The following SEMA5A variants were observed in gnomAD, a reference collection of about 807,000 sequenced individuals.
SEMA5A encodes the protein semaphorin 5A.
Under a neutral mutation model 135.5 loss-of-function variants are expected in SEMA5A, and 55 were observed. That is an observed-to-expected ratio of 0.41 (90% CI 0.33 to 0.51). The LOEUF (loss-of-function observed/expected upper bound fraction) is 0.51, where lower values mean the gene tolerates loss of function less well. SEMA5A is among the 20% of genes least tolerant of loss of function. The pLI, the probability that SEMA5A is intolerant of heterozygous loss-of-function variation, is 0.37. For synonymous variants in SEMA5A, 580 were observed against 546.5 expected (o/e 1.06, Z -0.85); for missense variants, 1,290 against 1,419.9 (o/e 0.91, Z 1.47).
intron 3 of SEMA5A, among the ~76,000 whole-genome samples, chr5:9,356,377 G>A (rs1185920884): frequency 1.3e-5 from 2 of 152,104 alleles, no homozygotes; most frequent in Non-Finnish European, 2.9e-5. Context: ...GTGCCTCAGG[G>A]AATGGAATGT....
chr5:9,220,654 G>A (rs983462475), intron 8 of SEMA5A, among the ~76,000 whole-genome samples: 4 of 152,208 alleles, frequency 2.6e-5, no homozygotes, highest in Non-Finnish European at 5.9e-5. Context: ...CCAGGGATAA[G>A]CAAAGCTTAA....
intron 5 of SEMA5A, among the ~76,000 whole-genome samples, chr5:9,303,029 A>G (rs2150617445): frequency 6.6e-6 from 1 of 152,234 alleles, no homozygotes; most frequent in Non-Finnish European, 1.5e-5. Flanking sequence ...CACCACATGG[A>G]AACAACCACT....
At chr5:9,311,103 C>T (rs1366459152) in intron 5 of SEMA5A, among the ~76,000 whole-genome samples, 1 of 151,496 alleles carries the variant, frequency 6.6e-6, no homozygotes, top group Non-Finnish European at 1.5e-5. Flanking sequence ...GGTTTCTCAA[C>T]GTTGGCACTG....
chr5:9,158,037 A>G (rs1394700865), intron 11 of SEMA5A, among the ~76,000 whole-genome samples: 1 of 151,332 alleles, frequency 6.6e-6, no homozygotes, highest in Non-Finnish European at 1.5e-5. Context: ...GTTGTGTCAT[A>G]TGATGTATGT....
At chr5:9,485,221 T>G (rs924968536) in intron 1 of SEMA5A, among the ~76,000 whole-genome samples, 7 of 151,516 alleles carry the variant, frequency 4.6e-5, no homozygotes, top group African/African-American at 1.7e-4. Flanking sequence ...TCTGAGCATA[T>G]GTACCTGTCC....
intron 11 of SEMA5A, among the ~76,000 whole-genome samples, chr5:9,164,933 A>G (rs1743523017): frequency 6.6e-6 from 1 of 152,226 alleles, no homozygotes; most frequent in African/African-American, 2.4e-5. Flanking sequence ...CAGTGAATCC[A>G]ATATAATATT....
intron 5 of SEMA5A, among the ~76,000 whole-genome samples, chr5:9,282,771 G>A (rs1422305374): frequency 3.3e-5 from 5 of 152,052 alleles, no homozygotes; most frequent in Non-Finnish European, 7.4e-5. Flanking sequence ...CCATCCCACA[G>A]CATCAATCCT....
At position 9,066,470 on chromosome 5, in the gene SEMA5A, G is replaced by A. The variant is rs199828591; in HGVS notation, c.2250C>T (p.Ile750=). The change falls in exon 17 of 23, where the codon ATC becomes ATT. Residue 750 remains isoleucine, a synonymous_variant. Transcript: ENST00000382496. ...CGTCGCTAGAACAGTACCGCATTTC[G>A]ATTCTCTGTCTTCCCACTTCCAGCA... ...PNLLEVGRQR[I]EMRYCSSDGT... The A allele has an allele frequency of 2.5e-6, 4 of 1,614,164 alleles. No individual in the cohort carries two copies. Among genetic ancestry groups the A allele is most frequent in the South Asian group, 2.2e-5 (2 of 91,070 alleles).
intron 6 of SEMA5A, among the ~76,000 whole-genome samples, chr5:9,236,917 T>TA (rs908723772): frequency 9.9e-5 from 15 of 151,850 alleles, no homozygotes; most frequent in East Asian, 3.9e-4. Flanking sequence ...TGAAATTGGG[T>TA]AAAAAAAAGG....
chr5:9,481,535 A>G (rs1759876347), intron 1 of SEMA5A, among the ~76,000 whole-genome samples: 1 of 152,206 alleles, frequency 6.6e-6, no homozygotes, highest in East Asian at 1.9e-4. Flanking sequence ...CACTGGGACA[A>G]ACCATTAGAA....
intron 1 of SEMA5A, among the ~76,000 whole-genome samples, chr5:9,541,411 G>A (rs1413663347): frequency 6.6e-6 from 1 of 152,082 alleles, no homozygotes; most frequent in African/African-American, 2.4e-5. Flanking sequence ...CAAATAATGA[G>A]TGAAAGATGG....
chr5:9,108,403 G>C, intron 15 of SEMA5A, 116 bp from the exon 16 acceptor site: 1 of 1,199,898 alleles, frequency 8.3e-7, no homozygotes, highest in East Asian at 2.4e-5. Context: ...TCTGCGTGGA[G>C]GAGCTTTTTG....
intron 5 of SEMA5A, among the ~76,000 whole-genome samples, chr5:9,298,190 T>C (rs985693576): frequency 6.6e-6 from 1 of 152,146 alleles, no homozygotes; most frequent in African/African-American, 2.4e-5. Context: ...ATATGTGTCC[T>C]ATGAAAAAGG....
At chr5:9,063,780 T>A (rs1387258071) in intron 17 of SEMA5A, among the ~76,000 whole-genome samples, 1 of 152,056 alleles carries the variant, frequency 6.6e-6, no homozygotes, top group Non-Finnish European at 1.5e-5. Context: ...CAGCAGCAGG[T>A]GGGCTGTGGG....
Position 9,305,728 on chromosome 5 carries a change from T to TATGTATATATATATATA in SEMA5A, c.270+12643_270+12644insTATATATATATATACAT, listed in dbSNP as rs1287444762. The stretch of plus-strand genomic sequence containing the variant: ...TGTGCGTATATATATATATATATAT[T>TATGTATATATATATATA]TACACGCACACACACACACACACAC... On this transcript the variant is annotated intron_variant, in intron 5 of 22. Transcript: ENST00000382496. Among the ~76,000 whole-genome samples the TATGTATATATATATATA allele has an allele frequency of 9.5e-3, 898 of 94,986 alleles. 19 individuals are homozygous for TATGTATATATATATATA. The highest frequency in any genetic ancestry group is 0.034 in the African/African-American group (855 of 25,304). 62.3% of individuals were successfully genotyped at this position (94,986 alleles called of 152,430 possible). A position where few individuals can be genotyped will look rare whatever the true frequency, so the allele number is the denominator to read the frequency against.
intron 10 of SEMA5A, among the ~76,000 whole-genome samples, chr5:9,196,593 C>G (rs1745398213): frequency 6.6e-6 from 1 of 152,170 alleles, no homozygotes; most frequent in Non-Finnish European, 1.5e-5. Flanking sequence ...CTCTTTGGGT[C>G]CCAGCTTCTT....
chr5:9,407,077 T>C (rs1178779613), intron 2 of SEMA5A, among the ~76,000 whole-genome samples: 2 of 152,188 alleles, frequency 1.3e-5, no homozygotes, highest in African/African-American at 4.8e-5. Flanking sequence ...CTGCTTTTCA[T>C]GAGATGTCTG....
intron 11 of SEMA5A, among the ~76,000 whole-genome samples, chr5:9,187,494 G>T (rs944521070): frequency 6.6e-6 from 1 of 152,074 alleles, no homozygotes; most frequent in African/African-American, 2.4e-5. Context: ...GTTGGGCCCC[G>T]GGTATCTATG....
At chr5:9,182,709 C>T (rs1486513337) in intron 11 of SEMA5A, among the ~76,000 whole-genome samples, 1 of 151,168 alleles carries the variant, frequency 6.6e-6, no homozygotes, top group Non-Finnish European at 1.5e-5. Flanking sequence ...AATGCAATGA[C>T]ATCTAGAATG....
Sources: allele counts gnomAD v4.1 joint callset (sites outside exome capture counted in the v4.1 genomes callset), GRCh38; gene constraint gnomAD v4.1.1; transcripts MANE v1.5; gene names NCBI Gene and HGNC (gene_info 2026-07-23, HGNC 2026-07-21).